IDH1: variants seen among roughly 807,000 people sequenced by gnomAD.
The protein encoded by IDH1 is isocitrate dehydrogenase (NADP(+)) 1.
IDH1 carries 33 observed loss-of-function variants against 46.1 expected under a neutral mutation model. The ratio of observed to expected loss-of-function variants is 0.72; its 90% confidence interval spans 0.54 to 0.96. IDH1 has a LOEUF of 0.96. Ranked by LOEUF, IDH1 falls within the 40% of genes least tolerant of loss-of-function variation. IDH1 has a pLI of 0.00. For missense variants in IDH1, 421 were observed against 515.7 expected, an observed-to-expected ratio of 0.82 and a Z score of 1.78; for synonymous variants, 144 against 172.8, an observed-to-expected ratio of 0.83 and a Z score of 1.31.
chr2:208,243,210 T>TG (rs1034876162), intron 6 of IDH1, among the ~76,000 whole-genome samples: 9 of 152,218 alleles, frequency 5.9e-5, no homozygotes, highest in African/African-American at 1.9e-4. Context: ...ACAATTCATG[T>TG]GGGGACCTTA....
intron 5 of IDH1, 106 bp from the exon 6 acceptor site, chr2:208,243,710 C>A: frequency 8.1e-6 from 7 of 866,696 alleles, no homozygotes; most frequent in South Asian, 1.4e-5. Context: ...TACTTCTCAG[C>A]TCTCACATCT....
At chr2:208,246,848 CAGG>C (rs762628227) in intron 4 of IDH1, among the ~76,000 whole-genome samples, 5 of 152,126 alleles carry the variant, frequency 3.3e-5, no homozygotes, top group Non-Finnish European at 7.4e-5. Context: ...GAGGCTGAGG[CAGG>C]AGAATTGCTT....
At chr2:208,252,471 G>T (rs912225481) in intron 2 of IDH1, among the ~76,000 whole-genome samples, 4 of 152,190 alleles carry the variant, frequency 2.6e-5, no homozygotes, top group African/African-American at 9.7e-5. Flanking sequence ...AAGGTTGGAC[G>T]CTTTGGAAGA....
chr2:208,252,752 C>T (rs921479952), intron 2 of IDH1, among the ~76,000 whole-genome samples: 1 of 152,158 alleles, frequency 6.6e-6, no homozygotes, highest in Non-Finnish European at 1.5e-5. Context: ...AGACAGTAAG[C>T]GTCTGTTTCT....
In IDH1 at chr2:208,241,511, C is replaced by T. The variant is rs554205606; in HGVS notation, c.850+483G>A. 2.6e-5 allele frequency among the ~76,000 whole-genome samples: 4 copies of T among 151,670 alleles called. No homozygotes were observed. The East Asian group carries it at 5.8e-4, about 22-fold the overall frequency. On this transcript the variant is annotated intron_variant, in intron 7 of 9. Coordinates refer to ENST00000345146, the MANE Select transcript of IDH1 (RefSeq NM_005896.4). ...CCTCTCAAAGTGCTAGGATTACAGG[C>T]GTGAGCCACTGTGCCCAGCCAAACA...
Position 208,245,420 on chromosome 2 carries a change from C to CTG in IDH1, c.417_418dup (p.Arg140ThrfsTer14), listed in dbSNP as rs1309773432. ...CCCAGGAACAACAAAATCAGTTGCTCTGTACTGTGTAGAGGGGAAAAAGGT... is the reference window on the plus strand; with the variant it reads ...CCCAGGAACAACAAAATCAGTTGCTCTGTGTACTGTGTAGAGGGGAAAAAGGT... On this transcript the variant is annotated frameshift_variant, in exon 5 of 10. Transcript: ENST00000345146. LOFTEE classifies it high-confidence loss of function. The CTG allele has an allele frequency of 6.3e-7, 1 of 1,591,534 alleles. No homozygotes were observed. Among genetic ancestry groups the CTG allele is most frequent in the Non-Finnish European group, 8.6e-7 (1 of 1,160,980 alleles).
chr2:208,239,388 A>G (rs1687876266), intron 8 of IDH1, among the ~76,000 whole-genome samples, 155 bp from the exon 9 acceptor site: 1 of 152,246 alleles, frequency 6.6e-6, no homozygotes. Flanking sequence ...GGAGAGTTAG[A>G]AATATTTTAC....
In IDH1 at chr2:208,245,189, GT is replaced by G. The variant is rs1339469197; in HGVS notation, c.520+129del. 7 of 650,320 alleles carry G rather than the reference GT, an allele frequency of 1.1e-5. No individual in the cohort carries two copies. The East Asian group carries it at 1.9e-4, about 18-fold the overall frequency. 40.3% of individuals were successfully genotyped at this position (650,320 alleles called of 1,614,324 possible). A position where few individuals can be genotyped will look rare whatever the true frequency, so the allele number is the denominator to read the frequency against. ...ATTACTTCTTTATGTCAAGTTTCGGGTTTTGCAAAAACACTGTAGATTCAGA... is the reference window on the plus strand; with the variant it reads ...ATTACTTCTTTATGTCAAGTTTCGGGTTTGCAAAAACACTGTAGATTCAGA... On this transcript the variant is annotated intron_variant, in intron 5 of 9. Transcript: ENST00000345146.
chr2:208,252,390 T>A (rs1208068611), intron 2 of IDH1, among the ~76,000 whole-genome samples: 1 of 152,210 alleles, frequency 6.6e-6, no homozygotes, highest in Non-Finnish European at 1.5e-5. Flanking sequence ...TGCATTGTCC[T>A]AGGAAGACAG....
At chr2:208,253,713 T>C (rs886316627) in intron 2 of IDH1, among the ~76,000 whole-genome samples, 173 bp downstream of exon 2, 1 of 152,254 alleles carries the variant, frequency 6.6e-6, no homozygotes, top group Admixed American at 6.5e-5. Flanking sequence ...AAAGGATCTC[T>C]TGCAGATAAG....
chr2:208,243,689 A>G, intron 5 of IDH1, 85 bp from the exon 6 acceptor site: 1 of 1,031,834 alleles, frequency 9.7e-7, no homozygotes, highest in Non-Finnish European at 1.5e-6. Context: ...ACCCACCACA[A>G]CCAAATGACC....
At chr2:208,246,652 A>AG (rs66547921) in intron 4 of IDH1, among the ~76,000 whole-genome samples, 51 of 149,480 alleles carry the variant, frequency 3.4e-4, no homozygotes, top group African/African-American at 1.2e-3. Context: ...AAAAAAAAAA[A>AG]GAGGAAGGCC....
intron 6 of IDH1, 119 bp downstream of exon 6, chr2:208,243,308 G>T: frequency 1.2e-6 from 1 of 806,040 alleles, no homozygotes; most frequent in Non-Finnish European, 2.0e-6. Context: ...ATCTTTAAGA[G>T]ACAGTGATGA....
At chr2:208,244,519 A>G (rs1687981653) in intron 5 of IDH1, among the ~76,000 whole-genome samples, 1 of 152,248 alleles carries the variant, frequency 6.6e-6, no homozygotes, top group South Asian at 2.1e-4. Flanking sequence ...TGGTAGAAAT[A>G]AGTAGAAATA....
chr2:208,250,292 C>G (rs1362845626), intron 3 of IDH1, among the ~76,000 whole-genome samples: 1 of 74,208 alleles, frequency 1.3e-5, no homozygotes, highest in Non-Finnish European at 3.0e-5. Flanking sequence ...ACAGGAGTTC[C>G]TAAGATGCTT....
Position 208,245,312 on chromosome 2 carries a change from T to C in IDH1, c.520+7A>G, listed in dbSNP as rs2124857097. The C allele has an allele frequency of 7.1e-7, 1 of 1,404,714 alleles. No individual in the cohort carries two copies. Among genetic ancestry groups the C allele is most frequent in the Non-Finnish European group, 1.0e-6 (1 of 990,356 alleles). 87.0% of individuals were successfully genotyped at this position (1,404,714 alleles called of 1,614,324 possible). ...AAAAAAGAAGCTTATGCTACAGTCA[T>C]ACATACCTTCAAAGTTATGTACCAG... On this transcript the variant is annotated splice_region_variant and intron_variant, in intron 5 of 9. Transcript: ENST00000345146.
chr2:208,248,652 A>G lies in IDH1; in HGVS notation c.131T>C (p.Leu44Ser), dbSNP rs2124864064. 6.2e-7 allele frequency: 1 copy of G among 1,614,028 alleles called. No homozygotes were observed. The highest frequency in any genetic ancestry group is 2.2e-5 in the East Asian group (1 of 44,886). The change falls in exon 4 of 10, where the codon TTA (leucine) becomes TCA (serine). Residue 44 changes from leucine to serine, a missense_variant. By Grantham distance (145) the Leu-to-Ser change is moderately radical. Transcript: ENST00000345146. The part of the protein sequence containing the change: ...YVELDLHSYD[L>S]GIENRDATND... Reference sequence around the variant, plus strand: ...GGTGGCATCACGATTCTCTATGCCTAAATCATAGCTTGAAAGAGAAAAATT... The same window carrying G: ...GGTGGCATCACGATTCTCTATGCCTGAATCATAGCTTGAAAGAGAAAAATT...
chr2:208,239,242 G>C lies in IDH1; in HGVS notation c.992-9C>G. On this transcript the variant is annotated splice_polypyrimidine_tract_variant and intron_variant, in intron 8 of 9. Coordinates refer to ENST00000345146, the MANE Select transcript of IDH1 (RefSeq NM_005896.4). The stretch of plus-strand genomic sequence containing the variant: ...CCAGGCAAAAATGGAAGCTAAAAGA[G>C]GGGAAAAAAAACACAACACTCCAAT... 1 of 1,613,478 alleles carries C rather than the reference G, an allele frequency of 6.2e-7. No individual in the cohort carries two copies. The highest frequency in any genetic ancestry group is 8.5e-7 in the Non-Finnish European group (1 of 1,179,764).
intron 4 of IDH1, chr2:208,248,049 G>T (rs747778007): frequency 1.4e-5 from 5 of 365,068 alleles, no homozygotes; most frequent in Non-Finnish European, 2.5e-5. Flanking sequence ...GAAAACCACA[G>T]ATCTGGTTGA....
Sources: gnomAD v4.1 joint callset for allele counts (sites outside exome capture counted in the v4.1 genomes callset) on GRCh38, gnomAD v4.1.1 for gene constraint, MANE v1.5 for transcripts, NCBI Gene and HGNC (gene_info 2026-07-23, HGNC 2026-07-21) for gene names.